The following DCDC1 variants were observed in gnomAD, a reference collection of about 807,000 sequenced individuals.
DCDC1 encodes the protein doublecortin domain containing 1, also known as doublecortin domain-containing protein 1.
In DCDC1, 200 loss-of-function variants were observed where a neutral mutation model predicts 178.3. That is an observed-to-expected ratio of 1.12 (90% confidence interval 1.00 to 1.26). DCDC1 has a LOEUF of 1.26. Ranked by LOEUF, DCDC1 falls within the 50% of genes most tolerant of loss-of-function variation. DCDC1 has a pLI of 0.00. For missense variants in DCDC1, 1,983 were observed against 1,749.2 expected (o/e 1.13, Z -2.38); for synonymous variants, 690 against 604.8 (o/e 1.14, Z -2.07).
At chr11:31,091,752 T>C (rs1957835303) in intron 16 of DCDC1, among the ~76,000 whole-genome samples, 1 of 152,130 alleles carries the variant, frequency 6.6e-6, no homozygotes, top group Non-Finnish European at 1.5e-5. Flanking sequence ...CCTTGATATC[T>C]TCATTTGTCT....
chr11:30,870,505 A>C (rs1941442839), intron 38 of DCDC1, among the ~76,000 whole-genome samples: 1 of 152,190 alleles, frequency 6.6e-6, no homozygotes, highest in Non-Finnish European at 1.5e-5. Flanking sequence ...TAAAAATAAA[A>C]ATTCACAATG....
chr11:31,209,630 T>C (rs951562229), intron 9 of DCDC1, among the ~76,000 whole-genome samples: 1 of 152,240 alleles, frequency 6.6e-6, no homozygotes, highest in African/African-American at 2.4e-5. Flanking sequence ...CATAGCAGAT[T>C]TCAGCCAGAG....
At chr11:31,296,713 T>C (rs1439970095) in intron 6 of DCDC1, among the ~76,000 whole-genome samples, 1 of 152,154 alleles carries the variant, frequency 6.6e-6, no homozygotes, top group African/African-American at 2.4e-5. Flanking sequence ...TCAGGAAACT[T>C]AGAATCATGG....
intron 20 of DCDC1, among the ~76,000 whole-genome samples, chr11:30,953,012 A>G (rs1948524355): frequency 6.6e-6 from 1 of 151,962 alleles, no homozygotes; most frequent in Non-Finnish European, 1.5e-5. Context: ...GAAACAAAAT[A>G]TCTGAATGCT....
intron 9 of DCDC1, among the ~76,000 whole-genome samples, chr11:31,197,918 C>A (rs1970870090): frequency 6.6e-6 from 1 of 152,052 alleles, no homozygotes; most frequent in Non-Finnish European, 1.5e-5. Flanking sequence ...GAGCCTATTT[C>A]ATCACCTCTA....
intron 1 of DCDC1, among the ~76,000 whole-genome samples, chr11:31,342,604 T>C (rs1040393779): frequency 2.0e-5 from 3 of 152,200 alleles, no homozygotes; most frequent in Non-Finnish European, 4.4e-5. Context: ...AAATATTTCA[T>C]GATAGGAGGG....
Position 30,903,650 on chromosome 11 carries a change from C to G in DCDC1, c.4342G>C (p.Ala1448Pro), listed in dbSNP as rs1944862584. The change falls in exon 32 of 39, where the codon GCC (alanine) becomes CCC (proline). Residue 1448 changes from alanine (A) to proline (P), a missense_variant. Transcript: ENST00000684477. ...LTECTEQLGLARAASKVYTKD... is the reference protein window; with the variant it reads ...LTECTEQLGLPRAASKVYTKD... Reference sequence around the variant, plus strand: ...GTATATACTTTGGAGGCTGCTCTGGCAAGCCCAAGTTGTTCCGTGCATTCT... The same window carrying G: ...GTATATACTTTGGAGGCTGCTCTGGGAAGCCCAAGTTGTTCCGTGCATTCT... The G allele has an allele frequency of 1.9e-6, 3 of 1,609,462 alleles. No individual in the cohort carries two copies. The highest frequency in any genetic ancestry group is 2.5e-6 in the Non-Finnish European group (3 of 1,177,768).
intron 17 of DCDC1, among the ~76,000 whole-genome samples, chr11:31,082,562 T>C (rs147947328): frequency 2.7e-3 from 401 of 148,580 alleles, no homozygotes; most frequent in African/African-American, 9.5e-3. Context: ...GCTATATCGA[T>C]ATGTGATATA....
In DCDC1 at chr11:31,127,097, C is replaced by A. The variant is rs1252117451; in HGVS notation, c.1485+372G>T. ...CACCTTCAATTTCTATTGCCACTGT[C>A]TGTCAACTATTAAAGCTTGCCCATT... On this transcript the variant is annotated intron_variant, in intron 11 of 38. Transcript: ENST00000684477. Among the ~76,000 whole-genome samples, 3 of 152,172 alleles carry A rather than the reference C, an allele frequency of 2.0e-5. No individual in the cohort carries two copies. The East Asian group carries it at 5.8e-4, about 29-fold the overall frequency.
chr11:31,232,181 C>A (rs1478935271), intron 9 of DCDC1, among the ~76,000 whole-genome samples: 1 of 152,142 alleles, frequency 6.6e-6, no homozygotes, highest in Non-Finnish European at 1.5e-5. Context: ...AAATATCTGT[C>A]CCATCACCAG....
chr11:31,310,985 A>G lies in DCDC1; in HGVS notation c.165-3077T>C, dbSNP rs1218518014. ...CATGCTTTTTGACTCAGCACCTCCT[A>G]TCTCCTTCTGTGTCTACCTGCCTCT... is the stretch of plus-strand genomic sequence containing the variant. On this transcript the variant is annotated intron_variant, in intron 3 of 38. Transcript: ENST00000684477. 3.3e-5 allele frequency among the ~76,000 whole-genome samples: 5 copies of G among 152,110 alleles called. No individual in the cohort carries two copies. The East Asian group carries it at 9.7e-4, about 29-fold the overall frequency.
intron 36 of DCDC1, among the ~76,000 whole-genome samples, chr11:30,881,556 A>G (rs1942674048): frequency 6.6e-6 from 1 of 152,204 alleles, no homozygotes; most frequent in African/African-American, 2.4e-5. Context: ...TTCATGGAAT[A>G]AGGCTTCTCG....
intron 7 of DCDC1, among the ~76,000 whole-genome samples, chr11:31,279,299 A>G (rs997828980): frequency 6.6e-6 from 1 of 151,500 alleles, no homozygotes; most frequent in African/African-American, 2.4e-5. Flanking sequence ...AAGTTGGCAA[A>G]AGCACTATTC....
chr11:31,328,804 A>G (rs1221270287), intron 2 of DCDC1, among the ~76,000 whole-genome samples: 1 of 140,426 alleles, frequency 7.1e-6, no homozygotes, highest in African/African-American at 2.8e-5. Flanking sequence ...GAGTGAGACT[A>G]CATCTCAAAA....
intron 25 of DCDC1, among the ~76,000 whole-genome samples, chr11:30,919,062 A>G (rs1328332119): frequency 1.3e-5 from 2 of 152,150 alleles, no homozygotes; most frequent in Non-Finnish European, 2.9e-5. Flanking sequence ...AGTCTGGGAA[A>G]AATCTTACAG....
intron 7 of DCDC1, among the ~76,000 whole-genome samples, chr11:31,279,611 T>A (rs1387837930): frequency 6.6e-6 from 1 of 152,008 alleles, no homozygotes; most frequent in African/African-American, 2.4e-5. Flanking sequence ...GATGAAACCA[T>A]CATTCTCAGA....
intron 36 of DCDC1, among the ~76,000 whole-genome samples, chr11:30,886,529 T>C (rs960126841): frequency 2.0e-5 from 3 of 152,032 alleles, no homozygotes; most frequent in African/African-American, 2.4e-5. Context: ...TTCTAACTTG[T>C]AGACAGCCAT....
chr11:31,269,357 T>C (rs538025910), intron 7 of DCDC1, among the ~76,000 whole-genome samples: 2 of 151,950 alleles, frequency 1.3e-5, no homozygotes, highest in African/African-American at 4.8e-5. Context: ...AAAATATTAC[T>C]TTTACACATT....
chr11:30,952,328 T>C, intron 21 of DCDC1, 117 bp downstream of exon 21: 3 of 865,682 alleles, frequency 3.5e-6, no homozygotes, highest in African/African-American at 1.7e-5. Flanking sequence ...GCAAGTTTGA[T>C]ATCTTGCACC....
Sources: gnomAD v4.1 joint callset for allele counts (sites outside exome capture counted in the v4.1 genomes callset) on GRCh38, gnomAD v4.1.1 for gene constraint, MANE v1.5 for transcripts, NCBI Gene and HGNC (gene_info 2026-07-23, HGNC 2026-07-21) for gene names.